The following NACC1 variants were observed in gnomAD, a reference collection of about 807,000 sequenced individuals.
NACC1 encodes the protein nucleus accumbens associated 1.
In NACC1, 6 loss-of-function variants were observed where a neutral mutation model predicts 41.7. The ratio of observed to expected loss-of-function variants is 0.14; its 90% CI spans 0.08 to 0.28. The LOEUF is 0.28. Among genes scored for constraint, NACC1 ranks in the 10% least tolerant of loss-of-function variants. The pLI is 1.00. For missense variants in NACC1, 434 were observed against 763.7 expected, an observed-to-expected ratio of 0.57 and a Z score of 5.09; for synonymous variants, 338 against 330.6, an observed-to-expected ratio of 1.02 and a Z score of -0.24.
rs1359078886 is a variant in NACC1 at position 13,138,691 on chromosome 19, C to A, written c.*285C>A. ...CTAACCCCTAGCCGTCATCTCCACA[C>A]TCACCAGGCCCACCAGGGGAGGGGG... On this transcript the variant is annotated 3_prime_UTR_variant, in exon 6 of 6. Transcript: ENST00000292431. The surrounding 1 kb of genome is among the most constrained non-coding windows in gnomAD (Gnocchi z 5.7). 1.3e-5 allele frequency: 6 copies of A among 465,120 alleles called. No individual in the cohort carries two copies. The highest frequency in any genetic ancestry group is 2.4e-5 in the Non-Finnish European group (6 of 253,452). 28.8% of individuals were successfully genotyped at this position (465,120 alleles called of 1,614,324 possible).
rs1217037005 is a variant in NACC1 at position 13,139,814 on chromosome 19, T to A, written c.*1408T>A. On this transcript the variant is annotated 3_prime_UTR_variant, in exon 6 of 6. Transcript: ENST00000292431. ...TTTGTTGTTGTTTTAGATTTTCATG[T>A]GAAGGCAGTTTTTTTTCTTTTTTAA... 1 of 148,840 alleles carries A rather than the reference T, an allele frequency of 6.7e-6. No homozygotes were observed. The highest frequency in any genetic ancestry group is 1.5e-5 in the Non-Finnish European group (1 of 66,898). The allele number at this position is 148,840 out of a possible 1,614,324, so 9.2% of individuals were successfully genotyped here.
At position 13,136,425 on chromosome 19, in the gene NACC1, G is replaced by T. The variant is rs200497854; in HGVS notation, c.1120+20G>T. 211 of 1,599,126 alleles carry T rather than the reference G, an allele frequency of 1.3e-4. 2 individuals are homozygous for T. Among genetic ancestry groups the T allele is most frequent in the Non-Finnish European group, 1.5e-5 (17 of 1,172,238 alleles). On this transcript the variant is annotated intron_variant, in intron 3 of 5. Coordinates refer to ENST00000292431, the MANE Select transcript of NACC1 (RefSeq NM_052876.4). The surrounding 1 kb of genome is among the most constrained non-coding windows in gnomAD (Gnocchi z 5.5). ...TGACAGGTGGGCCGGTCTCGCCCCAGATCTCTCCCCTCCGCAGCTTTGGAG... is the reference window on the plus strand; with the variant it reads ...TGACAGGTGGGCCGGTCTCGCCCCATATCTCTCCCCTCCGCAGCTTTGGAG...
At chr19:13,127,371 CTTTTTTT>C (rs147514422) in intron 1 of NACC1, among the ~76,000 whole-genome samples, 11 of 28,510 alleles carry the variant, frequency 3.9e-4, no homozygotes, top group African/African-American at 5.1e-4. Flanking sequence ...TATACATATA[CTTTTTTT>C]TTTTTTTTTT....
At chr19:13,125,374 CAG>C (rs992638781) in intron 1 of NACC1, among the ~76,000 whole-genome samples, 1 of 150,550 alleles carries the variant, frequency 6.6e-6, no homozygotes, top group Non-Finnish European at 1.5e-5. Context: ...TTCATGAGGA[CAG>C]AGCCCTCCTG....
In NACC1 at chr19:13,141,055, A is replaced by G. The variant is rs1382287298; in HGVS notation, c.*2649A>G. The G allele has an allele frequency of 2.0e-5, 3 of 152,518 alleles. No homozygotes were observed. The highest frequency in any genetic ancestry group is 4.4e-5 in the Non-Finnish European group (3 of 68,014). 9.4% of individuals were successfully genotyped at this position (152,518 alleles called of 1,614,324 possible). ...GGCCCCCAAGTGAGATTGCACATTT[A>G]ACTACTGTAAGGAGAGGAGCGGCGT... On this transcript the variant is annotated 3_prime_UTR_variant, in exon 6 of 6. Coordinates refer to ENST00000292431, the MANE Select transcript of NACC1 (RefSeq NM_052876.4).
intron 1 of NACC1, among the ~76,000 whole-genome samples, chr19:13,123,719 G>A (rs542326232): frequency 2.0e-5 from 3 of 152,130 alleles, no homozygotes; most frequent in African/African-American, 4.8e-5. Context: ...CGGGGTTCCC[G>A]TCTGGTCTCT....
At chr19:13,133,365 A>C (rs1411673300) in intron 1 of NACC1, among the ~76,000 whole-genome samples, 2 of 151,888 alleles carry the variant, frequency 1.3e-5, no homozygotes, top group South Asian at 4.2e-4. Flanking sequence ...CAAAAAAAAA[A>C]AAGAAAAAAG....
At chr19:13,123,740 T>C (rs1181926296) in intron 1 of NACC1, among the ~76,000 whole-genome samples, 2 of 152,182 alleles carry the variant, frequency 1.3e-5, no homozygotes, top group African/African-American at 4.8e-5. Context: ...GCCTTGCTTC[T>C]CTGAACACCA....
At chr19:13,119,773 C>T (rs560856327) in intron 1 of NACC1, among the ~76,000 whole-genome samples, 1 of 152,324 alleles carries the variant, frequency 6.6e-6, no homozygotes, top group East Asian at 1.9e-4. Flanking sequence ...CACACCCTGG[C>T]CCAGGGATCT....
At chr19:13,128,876 C>G (rs2019596980) in intron 1 of NACC1, among the ~76,000 whole-genome samples, 1 of 152,224 alleles carries the variant, frequency 6.6e-6, no homozygotes, top group African/African-American at 2.4e-5. Flanking sequence ...AGGGCCAGGA[C>G]TAGGCACTGT....
At chr19:13,121,383 C>T (rs1195108722) in intron 1 of NACC1, among the ~76,000 whole-genome samples, 1 of 152,138 alleles carries the variant, frequency 6.6e-6, no homozygotes, top group East Asian at 1.9e-4. Context: ...GAGAGTGAAG[C>T]CCTGTCTCTG....
Position 13,135,435 on chromosome 19 carries a change from G to A in NACC1, c.228G>A (p.Gln76=), listed in dbSNP as rs2019688508. The change falls in exon 2 of 6, where the codon CAG becomes CAA. Residue 76 remains glutamine (Q), a synonymous_variant. Coordinates refer to ENST00000292431, the MANE Select transcript of NACC1 (RefSeq NM_052876.4). The part of the protein sequence containing the change: ...VVELPAAVQP[Q]SFQQILSFCY... Reference sequence around the variant, plus strand: ...AGCTGCCGGCGGCTGTGCAGCCCCAGTCTTTCCAGCAGATCCTCAGCTTCT... The same window carrying A: ...AGCTGCCGGCGGCTGTGCAGCCCCAATCTTTCCAGCAGATCCTCAGCTTCT... 6.2e-7 allele frequency: 1 copy of A among 1,613,124 alleles called. No homozygotes were observed. Among genetic ancestry groups the A allele is most frequent in the Non-Finnish European group, 8.5e-7 (1 of 1,179,670 alleles).
intron 1 of NACC1, among the ~76,000 whole-genome samples, chr19:13,121,589 G>A (rs1365751646): frequency 6.6e-6 from 1 of 152,182 alleles, no homozygotes; most frequent in Admixed American, 6.5e-5. Flanking sequence ...AGGCCCGGGG[G>A]TTTGGAGAGA....
chr19:13,141,139 TG>T lies in NACC1; in HGVS notation c.*2734del, dbSNP rs1265228578. 5 of 152,702 alleles carry T rather than the reference TG, an allele frequency of 3.3e-5. No individual in the cohort carries two copies. The highest frequency in any genetic ancestry group is 1.2e-4 in the African/African-American group (5 of 41,530). 9.5% of individuals were successfully genotyped at this position (152,702 alleles called of 1,614,324 possible). ...CTGATGAGAATAAACTAAACGCCTT[TG>T]TAACAGCCTTGCCGCATGCTCGTTA... On this transcript the variant is annotated 3_prime_UTR_variant, in exon 6 of 6. Transcript: ENST00000292431.
rs1420768908 is a variant in NACC1 at position 13,138,387 on chromosome 19, C to T, written c.1565C>T (p.Ser522Leu). ...AGCCACGAGGGCGAGGCGGGTCCCTCGGCTGAAGCCCTGCAGTAACCCGCC... is the reference window on the plus strand; with the variant it reads ...AGCCACGAGGGCGAGGCGGGTCCCTTGGCTGAAGCCCTGCAGTAACCCGCC... ...TASHEGEAGPSAEALQ is the reference protein window; with the variant it reads ...TASHEGEAGPLAEALQ The change falls in exon 6 of 6, where the codon TCG (serine) becomes TTG (leucine). Residue 522 changes from serine to leucine, a missense_variant. This residue lies in a region of NACC1 where 63 missense variants were observed against 68.4 expected (regional missense o/e 0.92). Coordinates refer to ENST00000292431, the MANE Select transcript of NACC1 (RefSeq NM_052876.4). The surrounding 1 kb of genome is among the most constrained non-coding windows in gnomAD (Gnocchi z 5.7). 3 of 1,611,694 alleles carry T rather than the reference C, an allele frequency of 1.9e-6. No homozygotes were observed. The highest frequency in any genetic ancestry group is 1.1e-5 in the South Asian group (1 of 91,078).
chr19:13,134,249 A>G (rs894079865), intron 1 of NACC1, among the ~76,000 whole-genome samples: 1 of 152,058 alleles, frequency 6.6e-6, no homozygotes, highest in East Asian at 1.9e-4. Flanking sequence ...CGTAAGAGGC[A>G]GGGTTTCACC....
At chr19:13,133,812 A>G (rs556783495) in intron 1 of NACC1, among the ~76,000 whole-genome samples, 3 of 152,286 alleles carry the variant, frequency 2.0e-5, no homozygotes, top group Admixed American at 6.5e-5. Context: ...TCGCTGGGTC[A>G]TATGGTAACT....
At chr19:13,119,183 G>C (rs995047131) in intron 1 of NACC1, among the ~76,000 whole-genome samples, 2 of 151,892 alleles carry the variant, frequency 1.3e-5, no homozygotes, top group African/African-American at 2.4e-5. Flanking sequence ...GGGGATGTGG[G>C]GGCAGGTCAG....
chr19:13,132,938 C>T, intron 1 of NACC1, among the ~76,000 whole-genome samples: 1 of 152,170 alleles, frequency 6.6e-6, no homozygotes, highest in East Asian at 1.9e-4. Context: ...TTAGGTTGTA[C>T]CTCTGAGCCT....
Sources: allele counts gnomAD v4.1 joint callset (sites outside exome capture counted in the v4.1 genomes callset), GRCh38; gene constraint gnomAD v4.1.1; regional missense constraint gnomAD v4.1.1; non-coding constraint Gnocchi (gnomAD v3.1); transcripts MANE v1.5; gene names NCBI Gene and HGNC (gene_info 2026-07-23, HGNC 2026-07-21).